Variants in PTBP1 observed in about 807,000 individuals in gnomAD.
PTBP1 encodes polypyrimidine tract-binding protein 1.
A neutral mutation model predicts 59.8 loss-of-function variants in PTBP1; 8 were observed. The observed-to-expected ratio is 0.13, with a 90% CI of 0.08 to 0.24. The LOEUF (loss-of-function observed/expected upper bound fraction) is 0.24. Among genes scored for constraint, PTBP1 ranks in the 10% least tolerant of loss-of-function variants. The pLI, the probability that PTBP1 is intolerant of heterozygous loss-of-function variation, is 1.00. For synonymous variants in PTBP1, 490 were observed against 320.7 expected (o/e 1.53, Z -5.64); for missense variants, 686 against 767.0 (o/e 0.89, Z 1.25).
At chr19:798,928 G>T (rs950584767) in intron 1 of PTBP1, among the ~76,000 whole-genome samples, 1 of 152,244 alleles carries the variant, frequency 6.6e-6, no homozygotes, top group African/African-American at 2.4e-5. Flanking sequence ...TGCTCTCCTC[G>T]GTGGATCGGG....
In PTBP1 at chr19:808,362, G is replaced by C; in HGVS notation, c.1156G>C (p.Val386Leu). 6.3e-7 allele frequency: 1 copy of C among 1,596,746 alleles called. No homozygotes were observed. The highest frequency in any genetic ancestry group is 8.5e-7 in the Non-Finnish European group (1 of 1,173,012). The change falls in exon 12 of 15, where the codon GTC becomes CTC. Residue 386 changes from valine (V) to leucine (L), a missense_variant and splice_region_variant. By Grantham distance (32) the Val-to-Leu change is conservative. Coordinates refer to ENST00000356948, the MANE Select transcript of PTBP1 (RefSeq NM_002819.5). This position sits in a 1 kb window ranked among gnomAD's most constrained non-coding sequence, Gnocchi z 4.7. ...GCCCCATCCCTGGGCTTTTGAAGGC[G>C]TCTACGGTGACGTGCAGCGCGTGAA... ...TPQSLFILFGVYGDVQRVKIL... is the reference protein window; with the variant it reads ...TPQSLFILFGLYGDVQRVKIL...
chr19:801,790 G>C (rs1008271838), intron 2 of PTBP1, among the ~76,000 whole-genome samples: 6 of 152,176 alleles, frequency 3.9e-5, no homozygotes, highest in Non-Finnish European at 7.3e-5. Context: ...TGTGTTTTCT[G>C]ATCGCGTGGT....
At chr19:801,790 G>A (rs1008271838) in intron 2 of PTBP1, among the ~76,000 whole-genome samples, 1 of 152,176 alleles carries the variant, frequency 6.6e-6, no homozygotes, top group Non-Finnish European at 1.5e-5. Flanking sequence ...TGTGTTTTCT[G>A]ATCGCGTGGT....
chr19:804,515 G>A lies in PTBP1; in HGVS notation c.436-17G>A, dbSNP rs376887982. 106 of 1,597,510 alleles carry A rather than the reference G, an allele frequency of 6.6e-5. No individual in the cohort carries two copies. Among genetic ancestry groups the A allele is most frequent in the South Asian group, 5.1e-4 (46 of 89,914 alleles). On this transcript the variant is annotated splice_polypyrimidine_tract_variant and intron_variant, in intron 5 of 14. Transcript: ENST00000356948. The stretch of plus-strand genomic sequence containing the variant: ...CCAGCCGCAGGGGCCGGGGACTCAC[G>A]GCTGTGCCTCCCACAGCGGGCCCAG...
chr19:806,499 C>A lies in PTBP1; in HGVS notation c.1062C>A (p.Ile354=). 6.3e-7 allele frequency: 1 copy of A among 1,578,014 alleles called. No homozygotes were observed. Among genetic ancestry groups the A allele is most frequent in the Non-Finnish European group, 8.6e-7 (1 of 1,164,496 alleles). ...AAAAAAGRIA[I]PGLAGAGNSV... is the part of the protein sequence containing the mutation. ...CTGCGGCGGCAGGTCGGATCGCCAT[C>A]CCGGGCCTGGCGGGGGCAGGAAATT... Residue 354 remains isoleucine (I), a synonymous_variant, in exon 10 of 15, where the codon ATC becomes ATA. Transcript: ENST00000356948.
chr19:801,491 C>T (rs546555345), intron 2 of PTBP1, among the ~76,000 whole-genome samples: 5 of 152,370 alleles, frequency 3.3e-5, no homozygotes, highest in East Asian at 3.9e-4. Flanking sequence ...TCAGAGGAAG[C>T]GGCCCCGCCC....
chr19:810,687 C>T lies in PTBP1; in HGVS notation c.1542-7C>T, dbSNP rs755077239. The T allele has an allele frequency of 2.5e-6, 4 of 1,612,218 alleles. No homozygotes were observed. The highest frequency in any genetic ancestry group is 2.5e-6 in the Non-Finnish European group (3 of 1,179,448). On this transcript the variant is annotated splice_region_variant and splice_polypyrimidine_tract_variant and intron_variant, in intron 14 of 14. Transcript: ENST00000356948. ...CCTGCGGCCGGCCCTGACCCCCTGT[C>T]TTGCAGGAAGGACCGCAAGATGGCA...
Position 808,936 on chromosome 19 carries a change from G to GA in PTBP1, c.1463+175dup, listed in dbSNP as rs796536404. Among the ~76,000 whole-genome samples the GA allele has an allele frequency of 2.4e-4, 36 of 152,348 alleles. No individual in the cohort carries two copies. The highest frequency in any genetic ancestry group is 8.4e-4 in the African/African-American group (35 of 41,582). ...AGCTTGAGCCGAGGGCTGCTCAAGGGAGGGGGTCGTTGGACACTTTGGAGG... is the reference window on the plus strand; with the variant it reads ...AGCTTGAGCCGAGGGCTGCTCAAGGGAAGGGGGTCGTTGGACACTTTGGAGG... On this transcript the variant is annotated intron_variant, in intron 13 of 14. Coordinates refer to ENST00000356948, the MANE Select transcript of PTBP1 (RefSeq NM_002819.5). The surrounding 1 kb of genome is among the most constrained non-coding windows in gnomAD (Gnocchi z 4.7).
intron 2 of PTBP1, among the ~76,000 whole-genome samples, chr19:799,977 A>G (rs1378422044): frequency 6.6e-6 from 1 of 151,688 alleles, no homozygotes. Context: ...ACCAGGCTGG[A>G]GTGCAGTGGT....
intron 1 of PTBP1, among the ~76,000 whole-genome samples, chr19:798,062 C>T (rs1289696903): frequency 6.6e-6 from 1 of 151,586 alleles, no homozygotes; most frequent in Non-Finnish European, 1.5e-5. Context: ...GCCGGGGCCT[C>T]GCCGCGGGCC....
chr19:803,474 G>T, intron 2 of PTBP1, 87 bp from the exon 3 acceptor site: 1 of 1,160,936 alleles, frequency 8.6e-7, no homozygotes, highest in African/African-American at 1.5e-5. Context: ...ACCCCAGGCA[G>T]CCCAAGTGGG....
rs927983659 is a variant in PTBP1 at position 808,851 on chromosome 19, C to T, written c.1463+89C>T. The T allele has an allele frequency of 2.0e-5, 26 of 1,303,020 alleles. No individual in the cohort carries two copies. The Middle Eastern group carries it at 9.2e-4, about 46-fold the overall frequency. 80.7% of individuals were successfully genotyped at this position (1,303,020 alleles called of 1,614,324 possible). ...ACCGCGTCGGTGTGTGGACTTCTGGCGTTTCCAGAGTGCAGGTCGGGCACC... is the reference window on the plus strand; with the variant it reads ...ACCGCGTCGGTGTGTGGACTTCTGGTGTTTCCAGAGTGCAGGTCGGGCACC... On this transcript the variant is annotated intron_variant, in intron 13 of 14. Transcript: ENST00000356948. This position sits in a 1 kb window ranked among gnomAD's most constrained non-coding sequence, Gnocchi z 4.7.
At chr19:803,421 C>T (rs934386011) in intron 2 of PTBP1, 140 bp from the exon 3 acceptor site, 41 of 698,980 alleles carry the variant, frequency 5.9e-5, no homozygotes, top group Middle Eastern at 2.5e-4. Context: ...TCAGGCTGCC[C>T]TGCCGTGGAA....
At position 808,255 on chromosome 19, in the gene PTBP1, G is replaced by A. The variant is rs1047241450; in HGVS notation, c.1154-105G>A. Reference sequence around the variant, plus strand: ...CGCAGTGGCCGATAAAGCAAACCCGGCCGGGCTGAGCCGGGCCTTGTGGGG... The same window carrying A: ...CGCAGTGGCCGATAAAGCAAACCCGACCGGGCTGAGCCGGGCCTTGTGGGG... On this transcript the variant is annotated intron_variant, in intron 11 of 14. Transcript: ENST00000356948. This position sits in a 1 kb window ranked among gnomAD's most constrained non-coding sequence, Gnocchi z 4.7. 23 of 977,084 alleles carry A rather than the reference G, an allele frequency of 2.4e-5. No homozygotes were observed. The African/African-American group carries it at 2.4e-4, about 10-fold the overall frequency. 60.5% of individuals were successfully genotyped at this position (977,084 alleles called of 1,614,324 possible).
At position 804,139 on chromosome 19, in the gene PTBP1, G is replaced by C; in HGVS notation, c.219G>C (p.Gly73=). 1 of 1,613,866 alleles carries C rather than the reference G, an allele frequency of 6.2e-7. No homozygotes were observed. Among genetic ancestry groups the C allele is most frequent in the Non-Finnish European group, 8.5e-7 (1 of 1,179,840 alleles). Reference sequence around the variant, plus strand: ...AGCTCCCCATCGACGTCACGGAGGGGGAAGTCATCTCCCTGGGGCTGCCCT... The same window carrying C: ...AGCTCCCCATCGACGTCACGGAGGGCGAAGTCATCTCCCTGGGGCTGCCCT... ...IRKLPIDVTE[G]EVISLGLPFG... Residue 73 remains glycine (G), a synonymous_variant, in exon 4 of 15, where the codon GGG becomes GGC. Coordinates refer to ENST00000356948, the MANE Select transcript of PTBP1 (RefSeq NM_002819.5).
At position 808,737 on chromosome 19, in the gene PTBP1, G is replaced by T; in HGVS notation, c.1438G>T (p.Ala480Ser). Residue 480 changes from alanine (A) to serine (S), a missense_variant, in exon 13 of 15, where the codon GCC (alanine) becomes TCC (serine). By Grantham distance (99) the Ala-to-Ser change is moderately conservative. Coordinates refer to ENST00000356948, the MANE Select transcript of PTBP1 (RefSeq NM_002819.5). This position sits in a 1 kb window ranked among gnomAD's most constrained non-coding sequence, Gnocchi z 4.7. ...KNFQNIFPPSATLHLSNIPPS... is the reference protein window; with the variant it reads ...KNFQNIFPPSSTLHLSNIPPS... Reference sequence around the variant, plus strand: ...CTTCCAGAACATATTCCCGCCCTCGGCCACGCTGCACCTCTCCAACATCCC... The same window carrying T: ...CTTCCAGAACATATTCCCGCCCTCGTCCACGCTGCACCTCTCCAACATCCC... The T allele has an allele frequency of 6.2e-7, 1 of 1,612,604 alleles. No homozygotes were observed. Among genetic ancestry groups the T allele is most frequent in the Non-Finnish European group, 8.5e-7 (1 of 1,179,658 alleles).
intron 9 of PTBP1, 67 bp from the exon 10 acceptor site, chr19:806,341 G>C (rs1015080665): frequency 7.3e-6 from 11 of 1,497,006 alleles, no homozygotes; most frequent in Non-Finnish European, 9.8e-6. Flanking sequence ...GACGGGGAGC[G>C]TCGGCCTCTC....
chr19:798,714 G>A (rs992466166), intron 1 of PTBP1, among the ~76,000 whole-genome samples: 7 of 152,246 alleles, frequency 4.6e-5, no homozygotes, highest in African/African-American at 1.7e-4. Flanking sequence ...GTGGCCGGGA[G>A]AAGCCGTGGG....
chr19:810,337 G>GT (rs891429900), intron 13 of PTBP1, among the ~76,000 whole-genome samples: 4 of 152,088 alleles, frequency 2.6e-5, no homozygotes, highest in Admixed American at 2.6e-4. Context: ...GTGGTACTCT[G>GT]TTTCTGCAAA....
Sources: allele counts gnomAD v4.1 joint callset (sites outside exome capture counted in the v4.1 genomes callset), GRCh38; gene constraint gnomAD v4.1.1; non-coding constraint Gnocchi (gnomAD v3.1); transcripts MANE v1.5; gene names NCBI Gene and HGNC (gene_info 2026-07-23, HGNC 2026-07-21).